MACF1: variants seen among roughly 807,000 people sequenced by gnomAD.
MACF1 encodes microtubule actin crosslinking factor 1.
A neutral mutation model predicts 854.8 loss-of-function variants in MACF1; 193 were observed. The observed-to-expected ratio is 0.23, with a 90% CI of 0.20 to 0.25. The LOEUF (loss-of-function observed/expected upper bound fraction) is 0.25, where lower values mean the gene tolerates loss of function less well. MACF1 is among the 10% of genes least tolerant of loss of function. The probability of loss-of-function intolerance (pLI) is 1.00; values close to 1 mark genes in which losing one functional copy is unlikely to be tolerated. For missense variants in MACF1, 7,722 were observed against 8,929.1 expected, an observed-to-expected ratio of 0.86 and a Z score of 5.45; for synonymous variants, 3,185 against 3,226.7, an observed-to-expected ratio of 0.99 and a Z score of 0.44.
chr1:39,115,152 G>A (rs1642513844), intron 2 of MACF1, among the ~76,000 whole-genome samples: 1 of 152,172 alleles, frequency 6.6e-6, no homozygotes, highest in African/African-American at 2.4e-5. Flanking sequence ...AGTAGGCAAG[G>A]AAGACTATGC....
At chr1:39,238,105 G>C (rs1254698663) in intron 2 of MACF1, among the ~76,000 whole-genome samples, 1 of 152,166 alleles carries the variant, frequency 6.6e-6, no homozygotes, top group Non-Finnish European at 1.5e-5. Flanking sequence ...AATTGCCAGA[G>C]GGAGCACCGA....
At chr1:39,122,109 T>C (rs1003039290) in intron 2 of MACF1, among the ~76,000 whole-genome samples, 1 of 152,132 alleles carries the variant, frequency 6.6e-6, no homozygotes, top group African/African-American at 2.4e-5. Flanking sequence ...AAAAAAAAAT[T>C]CTGTGTTGCA....
At chr1:39,089,918 C>T (rs1374161161) in intron 2 of MACF1, among the ~76,000 whole-genome samples, 3 of 152,194 alleles carry the variant, frequency 2.0e-5, no homozygotes, top group South Asian at 2.1e-4. Context: ...TCACATGGCC[C>T]GTTACTGCAC....
chr1:39,230,046 T>C (rs889367339), intron 1 of MACF1, among the ~76,000 whole-genome samples: 2 of 152,182 alleles, frequency 1.3e-5, no homozygotes, highest in African/African-American at 4.8e-5. Context: ...AATATGTGTG[T>C]CCCAAATGCC....
intron 51 of MACF1, 108 bp from the exon 52 acceptor site, chr1:39,372,371 G>C (rs2148539950): frequency 1.6e-6 from 1 of 624,428 alleles, no homozygotes; most frequent in South Asian, 2.2e-5. Flanking sequence ...CAGAAGGATG[G>C]TCTCTTAATG....
At chr1:39,479,098 C>G (rs960476356) in intron 97 of MACF1, among the ~76,000 whole-genome samples, 2 of 152,198 alleles carry the variant, frequency 1.3e-5, no homozygotes, top group Non-Finnish European at 2.9e-5. Flanking sequence ...ACTGGCTTCC[C>G]GTGCCGACTC....
intron 48 of MACF1, 94 bp downstream of exon 48, chr1:39,361,095 A>G: frequency 1.0e-6 from 1 of 1,004,852 alleles, no homozygotes; most frequent in Non-Finnish European, 1.5e-6. Flanking sequence ...GGAACCTAAT[A>G]TCTGTGAATC....
Position 39,387,850 on chromosome 1 carries a change from G to C in MACF1, c.15008G>C (p.Gly5003Ala). 1 of 1,613,946 alleles carries C rather than the reference G, an allele frequency of 6.2e-7. No homozygotes were observed. The highest frequency in any genetic ancestry group is 8.5e-7 in the Non-Finnish European group (1 of 1,180,006). ...AVTEELQAKT[G>A]SLEEMTQRLR... ...ACAGAAGAGCTGCAGGCCAAAACAG[G>C]GTCACTCGAAGAAATGACTCAGAGG... Residue 5003 changes from glycine (G) to alanine (A), a missense_variant, in exon 58 of 101, where the codon GGG becomes GCG. Physicochemically the swap from Gly to Ala is moderately conservative, Grantham distance 60. Coordinates refer to ENST00000564288, the MANE Select transcript of MACF1 (RefSeq NM_001394062.1).
chr1:39,265,276 C>T (rs572841729), intron 6 of MACF1, among the ~76,000 whole-genome samples: 1 of 151,844 alleles, frequency 6.6e-6, no homozygotes, highest in African/African-American at 2.4e-5. Flanking sequence ...AGTTCTTTTG[C>T]TTTGGAGTCT....
chr1:39,435,802 T>A, intron 70 of MACF1, 41 bp downstream of exon 70: 3 of 1,580,982 alleles, frequency 1.9e-6, no homozygotes, highest in Non-Finnish European at 2.6e-6. Context: ...AATTGTCTAC[T>A]GTTCTAAACA....
rs201153560 is a variant in MACF1 at position 39,460,830 on chromosome 1, C to G, written c.21523+36C>G. 97 of 1,609,410 alleles carry G rather than the reference C, an allele frequency of 6.0e-5. No individual in the cohort carries two copies. Among genetic ancestry groups the G allele is most frequent in the Non-Finnish European group, 7.9e-5 (93 of 1,176,154 alleles). ...TCATCATTCCAAACATGGGTCACACCTGGATTCCTTGCACTTTGTAGAAGC... is the reference window on the plus strand; with the variant it reads ...TCATCATTCCAAACATGGGTCACACGTGGATTCCTTGCACTTTGTAGAAGC... On this transcript the variant is annotated intron_variant, in intron 92 of 100. Transcript: ENST00000564288. This position sits in a 1 kb window ranked among gnomAD's most constrained non-coding sequence, Gnocchi z 4.1.
chr1:39,443,408 T>C (rs201992992), intron 78 of MACF1, 38 bp from the exon 79 acceptor site: 3 of 1,564,916 alleles, frequency 1.9e-6, no homozygotes, highest in Non-Finnish European at 2.6e-6. Flanking sequence ...AGCTGAGAAA[T>C]GACTACTGAC....
rs576829990 is a variant in MACF1, at chr1:39,400,704, T to TA, written c.15816+12047dup. On this transcript the variant is annotated intron_variant, in intron 58 of 100. Transcript: ENST00000564288. Reference sequence around the variant, plus strand: ...TGTATCTTTTGTAGAGATGGGGTTTTACCACGTTGCCCAGGCTAGTCTTGA... The same window carrying TA: ...TGTATCTTTTGTAGAGATGGGGTTTTAACCACGTTGCCCAGGCTAGTCTTGA... 1.7e-3 allele frequency among the ~76,000 whole-genome samples: 260 copies of TA among 152,172 alleles called. 5 individuals carry two copies. The highest frequency in any genetic ancestry group is 7.2e-4 in the Non-Finnish European group (49 of 68,010).
chr1:39,334,581 A>T lies in MACF1; in HGVS notation c.7993A>T (p.Thr2665Ser). Residue 2665 changes from threonine (T) to serine (S), a missense_variant, in exon 37 of 101, where the codon ACA becomes TCA. Physicochemically the swap from Thr to Ser is moderately conservative, Grantham distance 58. Transcript: ENST00000564288. ...AGATGGGGTGAGCGACAAAGTGCTT[A>T]CATTGTCTCAAGCAATTCAGCTTGG... ...IKDGVSDKVL[T>S]LSQAIQLGKV... The T allele has an allele frequency of 6.2e-7, 1 of 1,614,178 alleles. No individual in the cohort carries two copies. Among genetic ancestry groups the T allele is most frequent in the Non-Finnish European group, 8.5e-7 (1 of 1,180,022 alleles).
intron 97 of MACF1, among the ~76,000 whole-genome samples, chr1:39,471,178 G>A (rs956389029): frequency 1.3e-5 from 2 of 152,140 alleles, no homozygotes; most frequent in African/African-American, 2.4e-5. Flanking sequence ...TGTCAGTGAT[G>A]GGCAGGATGA....
rs1169385859 is a variant in MACF1 at position 39,437,995 on chromosome 1, TCTG to T, written c.18208_18210del (p.Leu6070del). ...GACGATCTCAGGGAGCAGACAAGGA[TCTG>T]GCTGCAAAAGGTGCTTGATGATTGT... On this transcript the variant is annotated inframe_deletion, in exon 71 of 101. Coordinates refer to ENST00000564288, the MANE Select transcript of MACF1 (RefSeq NM_001394062.1). The T allele has an allele frequency of 1.9e-6, 3 of 1,613,830 alleles. No individual in the cohort carries two copies. In the African/African-American group the frequency reaches 4.0e-5, roughly 22 times the overall value.
intron 5 of MACF1, 186 bp downstream of exon 5, chr1:39,254,561 G>C: frequency 1.8e-6 from 1 of 546,558 alleles, no homozygotes; most frequent in South Asian, 2.7e-5. Flanking sequence ...TACTCACACA[G>C]AACTTGTGAC....
intron 51 of MACF1, 111 bp downstream of exon 51, chr1:39,370,297 C>T: frequency 1.0e-6 from 1 of 1,004,366 alleles, no homozygotes; most frequent in Admixed American, 3.1e-5. Flanking sequence ...AGTTGTCAGT[C>T]TGCATCAGAA....
At chr1:39,229,201 A>T (rs996869700) in intron 1 of MACF1, among the ~76,000 whole-genome samples, 1 of 152,194 alleles carries the variant, frequency 6.6e-6, no homozygotes, top group Non-Finnish European at 1.5e-5. Context: ...GAATTAGACT[A>T]TATAATTTCT....
Sources: gnomAD v4.1 joint callset for allele counts (sites outside exome capture counted in the v4.1 genomes callset) on GRCh38, gnomAD v4.1.1 for gene constraint, Gnocchi (gnomAD v3.1) non-coding constraint, MANE v1.5 for transcripts, NCBI Gene and HGNC (gene_info 2026-07-23, HGNC 2026-07-21) for gene names.